Variants in PLXDC1 observed in about 807,000 individuals in gnomAD.
PLXDC1 encodes the protein plexin domain-containing protein 1.
In PLXDC1, 39 loss-of-function variants were observed where a neutral mutation model predicts 61.3. The observed-to-expected ratio is 0.64, with a 90% CI of 0.49 to 0.83. The LOEUF (loss-of-function observed/expected upper bound fraction) is 0.83. Ranked by LOEUF, PLXDC1 falls within the 40% of genes least tolerant of loss-of-function variation. PLXDC1 has a pLI of 0.00. For synonymous variants in PLXDC1, 212 were observed against 254.5 expected, an observed-to-expected ratio of 0.83 and a Z score of 1.59; for missense variants, 596 against 666.5, an observed-to-expected ratio of 0.89 and a Z score of 1.17.
At chr17:39,148,697 AGTGCTGGGATT>A (rs1301880304) in intron 1 of PLXDC1, among the ~76,000 whole-genome samples, 1 of 151,952 alleles carries the variant, frequency 6.6e-6, no homozygotes, top group Non-Finnish European at 1.5e-5. Context: ...GGCCTCCCAG[AGTGCTGGGATT>A]ACAGGCATGA....
rs888313301 is a variant in PLXDC1, at chr17:39,066,443, T to A, written c.*1397A>T. The A allele has an allele frequency of 1.3e-5, 2 of 152,246 alleles. No homozygotes were observed. Among genetic ancestry groups the A allele is most frequent in the African/African-American group, 4.8e-5 (2 of 41,462 alleles). The allele number at this position is 152,246 out of a possible 1,614,324, so 9.4% of individuals were successfully genotyped here. A position where few individuals can be genotyped will look rare whatever the true frequency, so the allele number is the denominator to read the frequency against. On this transcript the variant is annotated 3_prime_UTR_variant, in exon 14 of 14. Transcript: ENST00000315392. ...CCTTGAGTTCTTTTCTCTCCTCTTA[T>A]TTGACTTCCCTCCCATGATAACATG... is the stretch of plus-strand genomic sequence containing the variant.
At chr17:39,128,368 C>A (rs1341359783) in intron 2 of PLXDC1, among the ~76,000 whole-genome samples, 4 of 151,226 alleles carry the variant, frequency 2.6e-5, no homozygotes, top group Admixed American at 6.6e-5. Flanking sequence ...CAGGCACAAG[C>A]CACCATGCCC....
At chr17:39,135,544 G>A (rs369761494) in intron 2 of PLXDC1, among the ~76,000 whole-genome samples, 41 of 152,166 alleles carry the variant, frequency 2.7e-4, no homozygotes, top group African/African-American at 9.6e-4. Flanking sequence ...GGGCGTGGTG[G>A]CGCATGCCTG....
At chr17:39,079,439 C>A (rs1257256466) in intron 9 of PLXDC1, 1 of 531,788 alleles carries the variant, frequency 1.9e-6, no homozygotes, top group Non-Finnish European at 3.6e-6. Context: ...CTCCAGTGAT[C>A]CTCAAGGTCG....
chr17:39,077,553 G>A (rs2143325619), intron 11 of PLXDC1, among the ~76,000 whole-genome samples: 1 of 152,344 alleles, frequency 6.6e-6, no homozygotes, highest in South Asian at 2.1e-4. Flanking sequence ...ACAGGGATGA[G>A]CCTTTTCAGG....
At chr17:39,099,420 A>G (rs1910341434) in intron 7 of PLXDC1, among the ~76,000 whole-genome samples, 1 of 152,120 alleles carries the variant, frequency 6.6e-6, no homozygotes, top group African/African-American at 2.4e-5. Flanking sequence ...TGCAGATGAA[A>G]CAGACACATC....
chr17:39,109,239 G>C lies in PLXDC1; in HGVS notation c.399+9C>G. 6.2e-7 allele frequency: 1 copy of C among 1,602,112 alleles called. No individual in the cohort carries two copies. The highest frequency in any genetic ancestry group is 8.5e-7 in the Non-Finnish European group (1 of 1,172,624). On this transcript the variant is annotated intron_variant, in intron 3 of 13. Coordinates refer to ENST00000315392, the MANE Select transcript of PLXDC1 (RefSeq NM_020405.5). The stretch of plus-strand genomic sequence containing the variant: ...ACAGGGAAGCATGGCTGGCGACTGG[G>C]GCACTCACCGAAGCCTGCCGGTGGG...
At chr17:39,133,918 T>G (rs969383426) in intron 2 of PLXDC1, among the ~76,000 whole-genome samples, 9 of 149,878 alleles carry the variant, frequency 6.0e-5, no homozygotes, top group Admixed American at 5.3e-4. Flanking sequence ...TGAGCCACTG[T>G]GACTGGCTGA....
At chr17:39,135,261 C>G (rs1911707045) in intron 2 of PLXDC1, among the ~76,000 whole-genome samples, 1 of 152,216 alleles carries the variant, frequency 6.6e-6, no homozygotes, top group Non-Finnish European at 1.5e-5. Context: ...TGGCCTTGCT[C>G]CTGTGTGGAC....
chr17:39,099,409 G>A (rs1440558662), intron 7 of PLXDC1, among the ~76,000 whole-genome samples: 1 of 152,140 alleles, frequency 6.6e-6, no homozygotes, highest in African/African-American at 2.4e-5. Flanking sequence ...CTTGAGGGAG[G>A]TGCAGATGAA....
chr17:39,079,834 G>C (rs916624672), intron 9 of PLXDC1: 11 of 307,366 alleles, frequency 3.6e-5, no homozygotes, highest in African/African-American at 2.4e-4. Context: ...TCAAGCCCAG[G>C]GATGTCTGCA....
chr17:39,111,370 C>T (rs189810302), intron 2 of PLXDC1, among the ~76,000 whole-genome samples: 13 of 152,328 alleles, frequency 8.5e-5, no homozygotes, highest in East Asian at 1.9e-4. Flanking sequence ...CTGCAACCTC[C>T]GTCTCCCGGG....
chr17:39,078,645 G>T (rs1219020836), intron 10 of PLXDC1, among the ~76,000 whole-genome samples: 2 of 152,154 alleles, frequency 1.3e-5, no homozygotes, highest in African/African-American at 4.8e-5. Flanking sequence ...GAAAATTCTT[G>T]CAGTGAGAAG....
chr17:39,128,112 T>TAC, intron 2 of PLXDC1, among the ~76,000 whole-genome samples: 1 of 105,740 alleles, frequency 9.5e-6, no homozygotes, highest in African/African-American at 4.0e-5. Flanking sequence ...TATATATATA[T>TAC]ATGTATATAT....
intron 1 of PLXDC1, chr17:39,144,750 T>G (rs1912043350): frequency 6.6e-6 from 1 of 152,298 alleles, no homozygotes; most frequent in Non-Finnish European, 1.5e-5. Flanking sequence ...CCCGCCTGCA[T>G]GTGTTGCCAA....
chr17:39,151,929 G>C (rs1483233252), upstream of PLXDC1, among the ~76,000 whole-genome samples: 1 of 152,258 alleles, frequency 6.6e-6, no homozygotes, highest in Middle Eastern at 3.4e-3. This position sits in a 1 kb window ranked among gnomAD's most constrained non-coding sequence, Gnocchi z 5.2. Context: ...GCTGCAGAGA[G>C]AAGGCCCGAG....
In PLXDC1 at chr17:39,069,880, G is replaced by A; in HGVS notation, c.1359C>T (p.Ser453=). 3 of 1,613,990 alleles carry A rather than the reference G, an allele frequency of 1.9e-6. No homozygotes were observed. The highest frequency in any genetic ancestry group is 2.5e-6 in the Non-Finnish European group (3 of 1,179,882). Residue 453 remains serine (S), a synonymous_variant, in exon 13 of 14, where the codon TCC becomes TCT. Transcript: ENST00000315392. Reference sequence around the variant, plus strand: ...CCTCGATGAAGAAGAGCGCAGCATTGGATGTGGGGTGGCCATTGATGTAAA... The same window carrying A: ...CCTCGATGAAGAAGAGCGCAGCATTAGATGTGGGGTGGCCATTGATGTAAA... ...AGIYINGHPT[S]NAALFFIERR...
chr17:39,129,711 G>GGAAGGAAAGAAAGAAAGAAAGAAAGAAA (rs1911486272), intron 2 of PLXDC1, among the ~76,000 whole-genome samples: 1 of 108,256 alleles, frequency 9.2e-6, no homozygotes, highest in African/African-American at 3.6e-5. Context: ...AAAGAAAGAA[G>GGAAGGAAAGAAAGAAAGAAAGAAAGAAA]GAAAGAAAGA....
chr17:39,077,496 C>T (rs1372909769), intron 11 of PLXDC1, among the ~76,000 whole-genome samples: 1 of 152,218 alleles, frequency 6.6e-6, no homozygotes, highest in Non-Finnish European at 1.5e-5. Flanking sequence ...AAAAACAAGG[C>T]AGCCTTTCTC....
Sources: allele counts gnomAD v4.1 joint callset (sites outside exome capture counted in the v4.1 genomes callset), GRCh38; gene constraint gnomAD v4.1.1; non-coding constraint Gnocchi (gnomAD v3.1); transcripts MANE v1.5; gene names NCBI Gene and HGNC (gene_info 2026-07-23, HGNC 2026-07-21).